MRPL48: variants seen among roughly 807,000 people sequenced by gnomAD.
The protein encoded by MRPL48 is large ribosomal subunit protein mL48.
Under a neutral mutation model 32.9 loss-of-function variants are expected in MRPL48, and 16 were observed. The observed-to-expected ratio is 0.49, with a 90% CI of 0.33 to 0.74. The LOEUF is 0.74. Ranked by LOEUF, MRPL48 falls within the 30% of genes least tolerant of loss-of-function variation. The probability of loss-of-function intolerance (pLI) is 0.02; values close to 1 mark genes in which losing one functional copy is unlikely to be tolerated. For missense variants in MRPL48, 206 were observed against 245.3 expected (o/e 0.84, Z 1.07); for synonymous variants, 94 against 89.2 (o/e 1.05, Z -0.31).
intron 1 of MRPL48, 39 bp from the exon 2 acceptor site, chr11:73,804,988 A>T: frequency 6.4e-7 from 1 of 1,562,474 alleles, no homozygotes. Flanking sequence ...GAGGTCTATA[A>T]ATGCTTAAGA....
chr11:73,808,222 C>T, intron 2 of MRPL48, 91 bp from the exon 3 acceptor site: 1 of 1,226,960 alleles, frequency 8.2e-7, no homozygotes, highest in Non-Finnish European at 1.2e-6. Flanking sequence ...AGCATTGATG[C>T]ATCTTTAGTG....
chr11:73,840,126 A>T (rs1041065719), intron 4 of MRPL48, among the ~76,000 whole-genome samples: 1 of 151,756 alleles, frequency 6.6e-6, no homozygotes, highest in African/African-American at 2.4e-5. Flanking sequence ...CAGTTTTGTC[A>T]GTGACAAGTT....
chr11:73,840,519 A>G (rs74993808), intron 4 of MRPL48, among the ~76,000 whole-genome samples: 8,366 of 152,180 alleles, frequency 0.055, 252 homozygotes, highest in Middle Eastern at 0.11. Context: ...GTTTTTTTAT[A>G]GACGGAGTCT....
chr11:73,837,045 G>T (rs1176868144), intron 4 of MRPL48, among the ~76,000 whole-genome samples: 1 of 151,948 alleles, frequency 6.6e-6, no homozygotes, highest in Non-Finnish European at 1.5e-5. Flanking sequence ...GCTCATTATG[G>T]ACTGTTGATA....
In MRPL48 at chr11:73,803,576, C is replaced by T. The variant is rs577575818; in HGVS notation, c.22-1451C>T. ...AGGATATTATATTTTATTTAATCGTCGTCTTTTCCGTAGGCTCCTCTTGAC... is the reference window on the plus strand; with the variant it reads ...AGGATATTATATTTTATTTAATCGTTGTCTTTTCCGTAGGCTCCTCTTGAC... On this transcript the variant is annotated intron_variant, in intron 1 of 7. Coordinates refer to ENST00000310614, the MANE Select transcript of MRPL48 (RefSeq NM_016055.6). Among the ~76,000 whole-genome samples the T allele has an allele frequency of 2.0e-4, 30 of 152,104 alleles. 1 individual carries two copies. In the East Asian group the frequency reaches 3.7e-3, roughly 19 times the overall value.
chr11:73,864,003 T>C lies in MRPL48; in HGVS notation c.565-293T>C, dbSNP rs578129575. 2.6e-5 allele frequency among the ~76,000 whole-genome samples: 4 copies of C among 152,282 alleles called. No individual in the cohort carries two copies. The South Asian group carries it at 8.3e-4, about 32-fold the overall frequency. ...ATGTAAATAATTTTGGTATTCTCTC[T>C]CTCTCTCTCAAATGCTTCTATTGTG... is the stretch of plus-strand genomic sequence containing the variant. On this transcript the variant is annotated intron_variant, in intron 7 of 7. Coordinates refer to ENST00000310614, the MANE Select transcript of MRPL48 (RefSeq NM_016055.6).
At chr11:73,829,662 C>T (rs1016028390) in intron 4 of MRPL48, among the ~76,000 whole-genome samples, 1 of 152,258 alleles carries the variant, frequency 6.6e-6, no homozygotes, top group Non-Finnish European at 1.5e-5. Flanking sequence ...AACCACCATG[C>T]CCAGCCCTGA....
At chr11:73,844,122 T>C (rs1255922477) in intron 4 of MRPL48, among the ~76,000 whole-genome samples, 1 of 151,260 alleles carries the variant, frequency 6.6e-6, no homozygotes, top group Non-Finnish European at 1.5e-5. Flanking sequence ...CCTTAATTCA[T>C]ATATGGGTTA....
At chr11:73,798,159 C>T (rs957243454) in intron 1 of MRPL48, among the ~76,000 whole-genome samples, 1 of 152,100 alleles carries the variant, frequency 6.6e-6, no homozygotes, top group African/African-American at 2.4e-5. Context: ...CTCACTGCAA[C>T]CTCCACCTCC....
intron 4 of MRPL48, among the ~76,000 whole-genome samples, chr11:73,835,017 G>T (rs1239653418): frequency 1.3e-5 from 2 of 151,170 alleles, no homozygotes; most frequent in African/African-American, 4.9e-5. Flanking sequence ...TTTTTTTGTG[G>T]AGATGGGGTC....
At chr11:73,815,258 A>G (rs1947642893) in intron 3 of MRPL48, among the ~76,000 whole-genome samples, 1 of 151,808 alleles carries the variant, frequency 6.6e-6, no homozygotes, top group South Asian at 2.1e-4. Flanking sequence ...TCTACTAAAA[A>G]TAGAAAAATT....
intron 5 of MRPL48, among the ~76,000 whole-genome samples, chr11:73,854,550 G>C (rs1190068281): frequency 6.6e-6 from 1 of 152,194 alleles, no homozygotes; most frequent in Non-Finnish European, 1.5e-5. Context: ...GCCTCCCAAA[G>C]TGCTAGGATT....
At chr11:73,831,205 G>A (rs1014370519) in intron 4 of MRPL48, among the ~76,000 whole-genome samples, 21 of 152,112 alleles carry the variant, frequency 1.4e-4, no homozygotes, top group South Asian at 1.2e-3. Flanking sequence ...CCTCCATCCC[G>A]TGTCCTTGTC....
chr11:73,825,579 C>T (rs542599206), intron 3 of MRPL48, 129 bp from the exon 4 acceptor site: 4 of 753,570 alleles, frequency 5.3e-6, no homozygotes, highest in Non-Finnish European at 8.3e-6. Context: ...ACCAGAAGTT[C>T]GAGGCTTCAA....
chr11:73,814,178 C>A lies in MRPL48; in HGVS notation c.112+5828C>A, dbSNP rs140751595. 2.8e-3 allele frequency among the ~76,000 whole-genome samples: 422 copies of A among 151,122 alleles called. 3 individuals are homozygous for A. Among genetic ancestry groups the A allele is most frequent in the African/African-American group, 7.6e-3 (314 of 41,154 alleles). On this transcript the variant is annotated intron_variant, in intron 3 of 7. Transcript: ENST00000310614. ...GAGGTTGAGGGGAAGATCACCTGAG[C>A]CCAGGAGTTTAAGACCATCCTGGAC...
chr11:73,864,261 G>C (rs1591017274), intron 7 of MRPL48, 35 bp from the exon 8 acceptor site: 2 of 1,594,694 alleles, frequency 1.3e-6, no homozygotes, highest in East Asian at 2.2e-5. Context: ...AAGCTCTGCA[G>C]TAATTACCGC....
At chr11:73,792,158 G>A (rs957271030) in intron 1 of MRPL48, among the ~76,000 whole-genome samples, 1 of 152,206 alleles carries the variant, frequency 6.6e-6, no homozygotes, top group African/African-American at 2.4e-5. Context: ...CAGCAGGGTG[G>A]AACCAGATAA....
intron 4 of MRPL48, among the ~76,000 whole-genome samples, chr11:73,833,054 G>A (rs977019746): frequency 6.6e-6 from 1 of 152,092 alleles, no homozygotes; most frequent in Non-Finnish European, 1.5e-5. Context: ...GTTTTACATG[G>A]TAAATCCATA....
chr11:73,825,325 T>TAC (rs1320335323), intron 3 of MRPL48, among the ~76,000 whole-genome samples: 3 of 147,628 alleles, frequency 2.0e-5, no homozygotes, highest in African/African-American at 5.0e-5. Context: ...TGTGTGTGTA[T>TAC]ACATATTTTT....
Sources: gnomAD v4.1 joint callset for allele counts (sites outside exome capture counted in the v4.1 genomes callset) on GRCh38, gnomAD v4.1.1 for gene constraint, MANE v1.5 for transcripts, NCBI Gene and HGNC (gene_info 2026-07-23, HGNC 2026-07-21) for gene names.